Variants in GALNTL6 observed in about 807,000 individuals in gnomAD.
GALNTL6 encodes polypeptide N-acetylgalactosaminyltransferase like 6, also known as polypeptide N-acetylgalactosaminyltransferase-like 6.
In GALNTL6, 46 loss-of-function variants were observed where a neutral mutation model predicts 73.7. That is an observed-to-expected ratio of 0.62 (90% CI 0.49 to 0.80). The LOEUF (loss-of-function observed/expected upper bound fraction) is 0.80. Ranked by LOEUF, GALNTL6 falls within the 30% of genes least tolerant of loss-of-function variation. The pLI, the probability that GALNTL6 is intolerant of heterozygous loss-of-function variation, is 0.00. For missense variants in GALNTL6, 604 were observed against 755.0 expected (o/e 0.80, Z 2.34); for synonymous variants, 259 against 263.7 (o/e 0.98, Z 0.17).
Position 172,917,511 on chromosome 4 carries a change from T to C in GALNTL6, c.1042-13650T>C, listed in dbSNP as rs144040735. Among the ~76,000 whole-genome samples, 499 of 151,868 alleles carry C rather than the reference T, an allele frequency of 3.3e-3. 3 individuals are homozygous for C. Among genetic ancestry groups the C allele is most frequent in the African/African-American group, 0.011 (474 of 41,400 alleles). On this transcript the variant is annotated intron_variant, in intron 8 of 12. Coordinates refer to ENST00000506823, the MANE Select transcript of GALNTL6 (RefSeq NM_001034845.3). Reference sequence around the variant, plus strand: ...TGCAATCTACTCATCTGACAAAGGGTTAATATCCAGAATCTGCAAAGAACT... The same window carrying C: ...TGCAATCTACTCATCTGACAAAGGGCTAATATCCAGAATCTGCAAAGAACT...
At position 172,894,243 on chromosome 4, in the gene GALNTL6, G is replaced by A. The variant is rs144208578; in HGVS notation, c.1041+11336G>A. Among the ~76,000 whole-genome samples the A allele has an allele frequency of 3.9e-3, 592 of 152,046 alleles. 3 individuals are homozygous for A. Among genetic ancestry groups the A allele is most frequent in the African/African-American group, 0.014 (566 of 41,464 alleles). On this transcript the variant is annotated intron_variant, in intron 8 of 12. Coordinates refer to ENST00000506823, the MANE Select transcript of GALNTL6 (RefSeq NM_001034845.3). ...TTTCTTTTATTTTGCTAATTTTGGG[G>A]ATTGGTTTGTTCTTGCTTTTCTTGA...
chr4:172,502,250 C>G (rs1354806627), intron 5 of GALNTL6, among the ~76,000 whole-genome samples: 1 of 152,148 alleles, frequency 6.6e-6, no homozygotes, highest in Non-Finnish European at 1.5e-5. Context: ...TAGACTGTTA[C>G]TAAACTCATT....
At position 172,311,699 on chromosome 4, in the gene GALNTL6, C is replaced by G. The variant is rs112353441; in HGVS notation, c.333C>G (p.Phe111Leu). ...ACAGGGAAAATGGTTTTAATATTTTCGTCAGCAACAATATTGCTCTAGAGA... is the reference window on the plus strand; with the variant it reads ...ACAGGGAAAATGGTTTTAATATTTTGGTCAGCAACAATATTGCTCTAGAGA... The part of the protein sequence containing the change: ...SAYRENGFNI[F>L]VSNNIALERS... Residue 111 changes from phenylalanine to leucine, a missense_variant, in exon 4 of 13, where the codon TTC (phenylalanine) becomes TTG (leucine). By Grantham distance (22) the Phe-to-Leu change is conservative. Coordinates refer to ENST00000506823, the MANE Select transcript of GALNTL6 (RefSeq NM_001034845.3). 6.2e-7 allele frequency: 1 copy of G among 1,610,658 alleles called. No homozygotes were observed. Among genetic ancestry groups the G allele is most frequent in the East Asian group, 2.2e-5 (1 of 44,786 alleles).
intron 5 of GALNTL6, among the ~76,000 whole-genome samples, chr4:172,546,339 T>C (rs1159109535): frequency 1.3e-5 from 2 of 152,156 alleles, no homozygotes; most frequent in Non-Finnish European, 2.9e-5. Flanking sequence ...GGATATGATG[T>C]TGACAAAATA....
chr4:172,774,985 AT>A (rs1253874371), intron 5 of GALNTL6, among the ~76,000 whole-genome samples: 26 of 148,974 alleles, frequency 1.7e-4, no homozygotes, highest in Non-Finnish European at 1.8e-4. Context: ...AATAATAATA[AT>A]AATAATAATA....
intron 2 of GALNTL6, among the ~76,000 whole-genome samples, chr4:171,899,119 A>G (rs1301577416): frequency 2.5e-5 from 1 of 40,776 alleles, no homozygotes; most frequent in African/African-American, 1.4e-4. Context: ...TAGTATTAAT[A>G]TCTATACAAA....
rs1165407897 is a variant in GALNTL6, at chr4:172,944,477, G to A, written c.1150-7560G>A. Among the ~76,000 whole-genome samples the A allele has an allele frequency of 2.6e-5, 4 of 152,268 alleles. No individual in the cohort carries two copies. In the East Asian group the frequency reaches 7.7e-4, roughly 29 times the overall value. ...AAAAAGACTGACCACACCACATGTT[G>A]GAGTAACTGGAAATCTCATACAATG... On this transcript the variant is annotated intron_variant, in intron 9 of 12. Coordinates refer to ENST00000506823, the MANE Select transcript of GALNTL6 (RefSeq NM_001034845.3).
At position 172,337,693 on chromosome 4, in the gene GALNTL6, G is replaced by GT. The variant is rs754345651; in HGVS notation, c.387-10824dup. On this transcript the variant is annotated intron_variant, in intron 4 of 12. Transcript: ENST00000506823. Reference sequence around the variant, plus strand: ...ACCTTTTACTCTACCCGTCTTTAAGGTTTTTTGTTTTTTTTTTTCTAGTGT... The same window carrying GT: ...ACCTTTTACTCTACCCGTCTTTAAGGTTTTTTTGTTTTTTTTTTTCTAGTGT... Among the ~76,000 whole-genome samples the GT allele has an allele frequency of 3.2e-3, 290 of 91,694 alleles. 12 individuals carry two copies. Among genetic ancestry groups the GT allele is most frequent in the Admixed American group, 4.8e-3 (40 of 8,252 alleles). The allele number at this position is 91,694 out of a possible 152,430, so 60.2% of individuals were successfully genotyped here. A position where few individuals can be genotyped will look rare whatever the true frequency, so the allele number is the denominator to read the frequency against.
rs376120588 is a variant in GALNTL6 at position 172,483,184 on chromosome 4, T to C, written c.553+134495T>C. ...GGATTTGTGGGTTTTTTGGAGCACT[T>C]ACTCAAGTATATAATTCCATAAACC... is the stretch of plus-strand genomic sequence containing the variant. On this transcript the variant is annotated intron_variant, in intron 5 of 12. Transcript: ENST00000506823. 5.3e-4 allele frequency among the ~76,000 whole-genome samples: 81 copies of C among 152,238 alleles called. 4 individuals carry two copies. The South Asian group carries it at 5.6e-3, about 11-fold the overall frequency.
At chr4:172,736,899 G>A (rs1420326639) in intron 5 of GALNTL6, among the ~76,000 whole-genome samples, 1 of 152,102 alleles carries the variant, frequency 6.6e-6, no homozygotes, top group Non-Finnish European at 1.5e-5. Flanking sequence ...TTTTATAAAG[G>A]ACAATTCCCC....
chr4:171,906,922 A>G lies in GALNTL6; in HGVS notation c.138+92204A>G, dbSNP rs181648054. Among the ~76,000 whole-genome samples the G allele has an allele frequency of 3.5e-3, 536 of 152,352 alleles. 3 individuals are homozygous for G. The highest frequency in any genetic ancestry group is 5.1e-3 in the Non-Finnish European group (344 of 68,040). On this transcript the variant is annotated intron_variant, in intron 2 of 12. Coordinates refer to ENST00000506823, the MANE Select transcript of GALNTL6 (RefSeq NM_001034845.3). ...ATGATTACCTCAATAGATGCAGAAA[A>G]GCCCTTTGGCAAAATTCAACAACCC...
chr4:172,840,867 C>T (rs561030042), intron 7 of GALNTL6, among the ~76,000 whole-genome samples: 32 of 152,286 alleles, frequency 2.1e-4, no homozygotes, highest in African/African-American at 7.5e-4. Flanking sequence ...GGGACTGGCT[C>T]AACACTCTTG....
intron 8 of GALNTL6, among the ~76,000 whole-genome samples, chr4:172,928,002 T>C (rs1292769555): frequency 6.6e-6 from 1 of 152,156 alleles, no homozygotes; most frequent in Non-Finnish European, 1.5e-5. Context: ...GAAACTATAA[T>C]CTCCCACATA....
chr4:172,135,124 G>A lies in GALNTL6; in HGVS notation c.139-94532G>A, dbSNP rs531157124. Among the ~76,000 whole-genome samples, 21 of 152,224 alleles carry A rather than the reference G, an allele frequency of 1.4e-4. No homozygotes were observed. In the South Asian group the frequency reaches 3.7e-3, roughly 27 times the overall value. ...TGCCAGCTTTTCTAAAGAGAAAAAC[G>A]TGGATATTGGGGAGCTTTTATAACA... On this transcript the variant is annotated intron_variant, in intron 2 of 12. Coordinates refer to ENST00000506823, the MANE Select transcript of GALNTL6 (RefSeq NM_001034845.3).
chr4:172,746,884 A>G (rs1295711939), intron 5 of GALNTL6, among the ~76,000 whole-genome samples: 1 of 152,136 alleles, frequency 6.6e-6, no homozygotes, highest in Non-Finnish European at 1.5e-5. Flanking sequence ...AAGCCATCAA[A>G]ATAGGAAAGG....
At chr4:171,964,789 G>C (rs1739336864) in intron 2 of GALNTL6, among the ~76,000 whole-genome samples, 1 of 152,308 alleles carries the variant, frequency 6.6e-6, no homozygotes, top group South Asian at 2.1e-4. Flanking sequence ...AGTACTGTCT[G>C]TTCTGGCGGT....
intron 5 of GALNTL6, among the ~76,000 whole-genome samples, chr4:172,805,084 A>G (rs1375784806): frequency 6.6e-6 from 1 of 152,210 alleles, no homozygotes; most frequent in Non-Finnish European, 1.5e-5. Context: ...GGAATAATTG[A>G]GATGAGCCAG....
At position 172,369,112 on chromosome 4, in the gene GALNTL6, C is replaced by T. The variant is rs188765948; in HGVS notation, c.553+20423C>T. The stretch of plus-strand genomic sequence containing the variant: ...CCCCCCCCACATCCTGCTGATTGGT[C>T]CATTCTACAGAGAGCTGATTGGTCC... On this transcript the variant is annotated intron_variant, in intron 5 of 12. Transcript: ENST00000506823. Among the ~76,000 whole-genome samples the T allele has an allele frequency of 2.0e-3, 302 of 152,270 alleles. 1 individual carries two copies. The highest frequency in any genetic ancestry group is 6.9e-3 in the African/African-American group (288 of 41,556).
chr4:172,704,240 G>A (rs1352461371), intron 5 of GALNTL6, among the ~76,000 whole-genome samples: 2 of 151,592 alleles, frequency 1.3e-5, no homozygotes, highest in East Asian at 3.9e-4. Flanking sequence ...CTGGGGGTTT[G>A]GCTTATGCTC....
Sources: allele counts gnomAD v4.1 joint callset (sites outside exome capture counted in the v4.1 genomes callset), GRCh38; gene constraint gnomAD v4.1.1; transcripts MANE v1.5; gene names NCBI Gene and HGNC (gene_info 2026-07-23, HGNC 2026-07-21).